DPF3: variants seen among roughly 807,000 people sequenced by gnomAD.
The protein encoded by DPF3 is zinc finger protein DPF3.
DPF3 carries 18 observed loss-of-function variants against 56.8 expected under a neutral mutation model. The ratio of observed to expected loss-of-function variants is 0.32; its 90% CI spans 0.22 to 0.47. The LOEUF is 0.47. Among genes scored for constraint, DPF3 ranks in the 20% least tolerant of loss-of-function variants. DPF3 has a pLI of 1.00. For missense variants in DPF3, 403 were observed against 488.8 expected, an observed-to-expected ratio of 0.82 and a Z score of 1.65; for synonymous variants, 188 against 180.2, an observed-to-expected ratio of 1.04 and a Z score of -0.35.
intron 1 of DPF3, among the ~76,000 whole-genome samples, chr14:72,881,707 C>T (rs1886333268): frequency 6.6e-6 from 1 of 151,972 alleles, no homozygotes; most frequent in African/African-American, 2.4e-5. Context: ...TAATTAAAAG[C>T]AATCTCCATG....
In DPF3 at chr14:72,616,094, C is replaced by A. The variant is rs1884069812; in HGVS notation, c.*3203G>T. On this transcript the variant is annotated 3_prime_UTR_variant, in exon 11 of 11. Coordinates refer to ENST00000556509, the MANE Select transcript of DPF3 (RefSeq NM_001280542.3). Reference sequence around the variant, plus strand: ...GGACCATCATCATGCCAGACCCGGGCCAGGATCTTTACCAATGTCACCTTG... The same window carrying A: ...GGACCATCATCATGCCAGACCCGGGACAGGATCTTTACCAATGTCACCTTG... 6.6e-6 allele frequency among the ~76,000 whole-genome samples: 1 copy of A among 152,154 alleles called. No individual in the cohort carries two copies. Among genetic ancestry groups the A allele is most frequent in the African/African-American group, 2.4e-5 (1 of 41,434 alleles).
At chr14:72,867,453 A>C (rs1293581002) in intron 1 of DPF3, among the ~76,000 whole-genome samples, 1 of 152,020 alleles carries the variant, frequency 6.6e-6, no homozygotes, top group East Asian at 1.9e-4. Flanking sequence ...TAGCTCTCCT[A>C]TGAGCTGTAC....
chr14:72,680,321 T>C (rs1010813397), intron 7 of DPF3, among the ~76,000 whole-genome samples: 1 of 152,196 alleles, frequency 6.6e-6, no homozygotes, highest in African/African-American at 2.4e-5. Flanking sequence ...GTGTGGGGCT[T>C]TCATTCAGGC....
intron 2 of DPF3, among the ~76,000 whole-genome samples, chr14:72,765,933 T>G (rs1447438917): frequency 6.6e-6 from 1 of 150,528 alleles, no homozygotes; most frequent in African/African-American, 2.4e-5. Flanking sequence ...CAAAAGGGAG[T>G]ATACAGTGTG....
At chr14:72,767,756 T>G (rs1599423648) in intron 2 of DPF3, among the ~76,000 whole-genome samples, 1 of 68,410 alleles carries the variant, frequency 1.5e-5, no homozygotes, top group Non-Finnish European at 2.8e-5. Context: ...ATTCCCAAAT[T>G]TGGCAAAAAA....
chr14:72,843,287 C>G (rs1567252889), intron 1 of DPF3, among the ~76,000 whole-genome samples: 3 of 152,114 alleles, frequency 2.0e-5, no homozygotes, highest in African/African-American at 7.2e-5. Context: ...AACACACTAT[C>G]CATTACAGCT....
intron 6 of DPF3, among the ~76,000 whole-genome samples, chr14:72,710,961 G>A (rs1314608663): frequency 1.3e-5 from 2 of 152,188 alleles, no homozygotes; most frequent in African/African-American, 4.8e-5. Flanking sequence ...TTCAATGACT[G>A]AGTAAAAGGC....
chr14:72,656,975 T>C (rs757196940), intron 8 of DPF3, among the ~76,000 whole-genome samples: 6 of 152,198 alleles, frequency 3.9e-5, no homozygotes, highest in Non-Finnish European at 7.3e-5. Context: ...TTCAATTCAG[T>C]AGTAGGTCTG....
intron 1 of DPF3, among the ~76,000 whole-genome samples, chr14:72,851,212 C>T (rs927240560): frequency 2.0e-5 from 3 of 152,194 alleles, no homozygotes; most frequent in Admixed American, 2.0e-4. Flanking sequence ...GAACTATGTC[C>T]TCAATCCCTC....
chr14:72,676,684 C>T (rs1886923343), intron 7 of DPF3, among the ~76,000 whole-genome samples: 1 of 152,158 alleles, frequency 6.6e-6, no homozygotes, highest in African/African-American at 2.4e-5. Flanking sequence ...GGGCAGTTCC[C>T]CTGCACATGC....
At chr14:72,774,157 C>T (rs570251623) in intron 1 of DPF3, among the ~76,000 whole-genome samples, 13 of 150,192 alleles carry the variant, frequency 8.7e-5, no homozygotes, top group East Asian at 5.9e-4. Context: ...TGGTGGCAGA[C>T]GCCTGTAATC....
intron 1 of DPF3, among the ~76,000 whole-genome samples, chr14:72,825,269 T>C (rs1475787921): frequency 1.3e-5 from 2 of 152,240 alleles, no homozygotes; most frequent in Non-Finnish European, 2.9e-5. Context: ...TACATCTTTC[T>C]GACCCCATCC....
At chr14:72,639,791 C>A (rs776988569) in intron 8 of DPF3, among the ~76,000 whole-genome samples, 8 of 152,032 alleles carry the variant, frequency 5.3e-5, no homozygotes, top group Non-Finnish European at 8.8e-5. Flanking sequence ...CCCACAGAAA[C>A]TATGAGATAA....
chr14:72,783,163 C>G (rs1599437279), intron 1 of DPF3, among the ~76,000 whole-genome samples: 1 of 152,208 alleles, frequency 6.6e-6, no homozygotes, highest in Non-Finnish European at 1.5e-5. Flanking sequence ...CTTAGGTTCA[C>G]CCTATCTGGA....
At chr14:72,670,999 G>C in intron 8 of DPF3, 1 of 1,451,564 alleles carries the variant, frequency 6.9e-7, no homozygotes, top group Non-Finnish European at 9.1e-7. Context: ...GGACACGTGG[G>C]AGGTGAAGGG....
intron 2 of DPF3, among the ~76,000 whole-genome samples, chr14:72,756,335 C>T (rs115606936): frequency 0.018 from 2,714 of 152,302 alleles, 79 homozygotes; most frequent in African/African-American, 0.063. Flanking sequence ...GCTGGGAGAA[C>T]TGGCTCCATG....
At chr14:72,685,299 C>T (rs959136124) in intron 7 of DPF3, among the ~76,000 whole-genome samples, 2 of 152,196 alleles carry the variant, frequency 1.3e-5, no homozygotes, top group African/African-American at 4.8e-5. Flanking sequence ...TGAATGGTAT[C>T]CAACTCAAGC....
At chr14:72,754,305 T>C (rs1890701520) in intron 2 of DPF3, among the ~76,000 whole-genome samples, 3 of 152,132 alleles carry the variant, frequency 2.0e-5, no homozygotes, top group Non-Finnish European at 2.9e-5. Flanking sequence ...AGGTGATTTG[T>C]AGTCCTGAAG....
chr14:72,861,508 A>T (rs1403572753), intron 1 of DPF3, among the ~76,000 whole-genome samples: 2 of 152,078 alleles, frequency 1.3e-5, no homozygotes, highest in African/African-American at 2.4e-5. Context: ...TAGCAGTTTT[A>T]AAAAACAAAA....
Sources: allele counts gnomAD v4.1 joint callset (sites outside exome capture counted in the v4.1 genomes callset), GRCh38; gene constraint gnomAD v4.1.1; transcripts MANE v1.5; gene names NCBI Gene and HGNC (gene_info 2026-07-23, HGNC 2026-07-21).